Variants in USP26 observed in about 807,000 individuals in gnomAD.
USP26 encodes the protein ubiquitin specific peptidase 26.
For missense variants in USP26, 649 were observed against 642.3 expected (o/e 1.01, Z -0.11); for synonymous variants, 236 against 240.6 (o/e 0.98, Z 0.18).
At position 133,086,320 on chromosome X, in the gene USP26, C is replaced by T. The variant is rs2067588452; in HGVS notation, c.-141-2549G>A. ...TGTTTCTTCCTTAATTTAAATCCAC[C>T]ATCACGGCTGGGAATGGTGGCTCAT... On this transcript the variant is annotated intron_variant, in intron 4 of 5. Coordinates refer to ENST00000511190, the MANE Select transcript of USP26 (RefSeq NM_031907.3). Among the ~76,000 whole-genome samples, 4 of 111,618 alleles carry T rather than the reference C, an allele frequency of 3.6e-5. No homozygotes were observed. In the South Asian group the frequency reaches 1.5e-3, roughly 42 times the overall value.
intron 5 of USP26, among the ~76,000 whole-genome samples, chrX:133,057,844 T>TTATATATACA (rs1556524248): frequency 3.3e-5 from 1 of 30,659 alleles, no homozygotes; most frequent in African/African-American, 2.7e-4. Context: ...ATACTTTACA[T>TTATATATACA]TATATATATA....
At chrX:133,031,020 T>A (rs1198088350) in intron 5 of USP26, among the ~76,000 whole-genome samples, 2 of 111,807 alleles carry the variant, frequency 1.8e-5, no homozygotes, top group African/African-American at 3.3e-5. Flanking sequence ...AAATCGAGTA[T>A]GTGTTTATCT....
rs1300050407 is a variant in USP26, at chrX:133,026,418, G to A, written c.1803C>T (p.His601=). The A allele has an allele frequency of 1.7e-6, 2 of 1,203,423 alleles. No homozygotes were observed. The highest frequency in any genetic ancestry group is 2.2e-6 in the Non-Finnish European group (2 of 893,589). Residue 601 remains histidine (H), a synonymous_variant, in exon 6 of 6, where the codon CAC becomes CAT. Transcript: ENST00000511190. The stretch of plus-strand genomic sequence containing the variant: ...GTTCAGACTCCTTATCTGATCCAAT[G>A]TGTGGAGCCAGGATATCTTTGGATT... ...TKESKDILAP[H]IGSDKESEQK...
chrX:133,085,922 A>T (rs2067586960), intron 4 of USP26, among the ~76,000 whole-genome samples: 1 of 110,930 alleles, frequency 9.0e-6, no homozygotes, highest in Non-Finnish European at 1.9e-5. Context: ...TTCCTCCCAC[A>T]TCCAGAAGAT....
At chrX:133,093,196 G>T (rs1268788355) in intron 1 of USP26, among the ~76,000 whole-genome samples, 1 of 111,338 alleles carries the variant, frequency 9.0e-6, no homozygotes, top group Non-Finnish European at 1.9e-5. Context: ...TGAGGTGGGG[G>T]GATCACTTGA....
At position 133,033,066 on chromosome X, in the gene USP26, A is replaced by T. The variant is rs146494058; in HGVS notation, c.-76-4770T>A. Among the ~76,000 whole-genome samples the T allele has an allele frequency of 4.3e-3, 476 of 111,737 alleles. 1 individual carries two copies. The highest frequency in any genetic ancestry group is 0.014 in the South Asian group (38 of 2,630). ...GACTGCGTTAGAGACAGACATGATC[A>T]GATGCAGGGAGTCGGGGACAGCAGG... On this transcript the variant is annotated intron_variant, in intron 5 of 5. Transcript: ENST00000511190.
At chrX:133,045,176 C>A (rs972670872) in intron 5 of USP26, among the ~76,000 whole-genome samples, 17 of 111,788 alleles carry the variant, frequency 1.5e-4, no homozygotes, top group African/African-American at 5.5e-4. Context: ...TTTGTAAATG[C>A]ACCAATCAAC....
rs1294749954 is a variant in USP26, at chrX:133,025,264, G to A, written c.*215C>T. The A allele has an allele frequency of 2.1e-6, 1 of 480,067 alleles. No individual in the cohort carries two copies. The highest frequency in any genetic ancestry group is 3.4e-6 in the Non-Finnish European group (1 of 293,133). 39.6% of individuals were successfully genotyped at this position (480,067 alleles called of 1,213,427 possible). ...TGAAAAACACAATTTCAGTCTTGTA[G>A]GAGAGAAGGATGCTCATCAGCCAGA... On this transcript the variant is annotated 3_prime_UTR_variant, in exon 6 of 6. Coordinates refer to ENST00000511190, the MANE Select transcript of USP26 (RefSeq NM_031907.3).
At chrX:133,044,489 C>T (rs923711606) in intron 5 of USP26, among the ~76,000 whole-genome samples, 5 of 113,391 alleles carry the variant, frequency 4.4e-5, no homozygotes, top group African/African-American at 9.6e-5. Flanking sequence ...CCGGCCCTGC[C>T]GGCCCCAGGC....
intron 5 of USP26, among the ~76,000 whole-genome samples, chrX:133,052,297 G>C (rs1257807895): frequency 8.9e-6 from 1 of 111,892 alleles, no homozygotes; most frequent in African/African-American, 3.2e-5. Context: ...TACACACTTA[G>C]AGAGTTCAGG....
chrX:133,073,092 T>C (rs1225294195), intron 5 of USP26, among the ~76,000 whole-genome samples: 1 of 111,346 alleles, frequency 9.0e-6, no homozygotes, highest in Admixed American at 9.6e-5. Context: ...TCCAAGGCAG[T>C]TGGCAATCAG....
At chrX:133,081,911 C>T (rs2067571293) in intron 5 of USP26, among the ~76,000 whole-genome samples, 1 of 112,043 alleles carries the variant, frequency 8.9e-6, no homozygotes, top group African/African-American at 3.2e-5. Flanking sequence ...TGAATGCCCA[C>T]ATTCTAAAGC....
chrX:133,040,841 G>A (rs1232331698), intron 5 of USP26, among the ~76,000 whole-genome samples: 2 of 110,968 alleles, frequency 1.8e-5, no homozygotes, highest in African/African-American at 6.6e-5. Context: ...TCAAATAATA[G>A]GTTTGGTCTT....
intron 5 of USP26, among the ~76,000 whole-genome samples, chrX:133,077,127 CAT>C (rs1199830496): frequency 1.8e-5 from 2 of 111,784 alleles, no homozygotes; most frequent in Non-Finnish European, 3.8e-5. Flanking sequence ...GAAGCCATAA[CAT>C]ATGCCAAAGT....
chrX:133,060,642 A>G (rs1312898646), intron 5 of USP26, among the ~76,000 whole-genome samples: 2 of 112,078 alleles, frequency 1.8e-5, no homozygotes, highest in Non-Finnish European at 3.8e-5. Flanking sequence ...AATATTTTTT[A>G]AAGTTGCATT....
At position 133,028,139 on chromosome X, in the gene USP26, C is replaced by A. The variant is rs2067362631; in HGVS notation, c.82G>T (p.Glu28Ter). 1 of 1,209,842 alleles carries A rather than the reference C, an allele frequency of 8.3e-7. No homozygotes were observed. The highest frequency in any genetic ancestry group is 1.1e-6 in the Non-Finnish European group (1 of 895,005). Reference protein sequence around the residue: ...GISKSKEAFIEAVERKKKDRL... With the variant: ...GISKSKEAFI ...TCTTTCTTCTTTCTTTCCACTGCTT[C>A]AATGAATGCTTCTTTTGACTTAGAT... Residue 28 changes from glutamate to a stop codon, truncating the protein, a stop_gained, in exon 6 of 6, where the codon GAA (glutamate) becomes TAA (stop). Transcript: ENST00000511190. LOFTEE classifies it low-confidence loss of function (END_TRUNC).
In USP26 at chrX:133,053,256, G is replaced by C. The variant is rs191308697; in HGVS notation, c.-76-24960C>G. On this transcript the variant is annotated intron_variant, in intron 5 of 5. Coordinates refer to ENST00000511190, the MANE Select transcript of USP26 (RefSeq NM_031907.3). ...AAAATATGAATAGAAAAAGTACAGA[G>C]GGCTGGCGTGGTTGCTCACACCTAT... Among the ~76,000 whole-genome samples, 27 of 111,998 alleles carry C rather than the reference G, an allele frequency of 2.4e-4. No individual in the cohort carries two copies. The East Asian group carries it at 7.3e-3, about 30-fold the overall frequency.
intron 5 of USP26, among the ~76,000 whole-genome samples, chrX:133,038,626 C>CT (rs1181611475): frequency 9.0e-6 from 1 of 111,366 alleles, no homozygotes; most frequent in African/African-American, 3.3e-5. Flanking sequence ...CTGAAATTTT[C>CT]TTTTTTGTTG....
At chrX:133,079,771 G>C (rs1402416327) in intron 5 of USP26, among the ~76,000 whole-genome samples, 1 of 111,906 alleles carries the variant, frequency 8.9e-6, no homozygotes, top group East Asian at 2.8e-4. Flanking sequence ...TTATTAAGAA[G>C]CACATGGTGG....
Sources: allele counts gnomAD v4.1 joint callset (sites outside exome capture counted in the v4.1 genomes callset), GRCh38; gene constraint gnomAD v4.1.1; transcripts MANE v1.5; gene names NCBI Gene and HGNC (gene_info 2026-07-23, HGNC 2026-07-21).